Variants in NEDD4L observed in about 807,000 individuals in gnomAD.
The protein encoded by NEDD4L is NEDD4 like E3 ubiquitin protein ligase.
A neutral mutation model predicts 148.9 loss-of-function variants in NEDD4L; 54 were observed. The observed-to-expected ratio is 0.36, with a 90% CI of 0.29 to 0.45. The LOEUF is 0.45. Among genes scored for constraint, NEDD4L ranks in the 20% least tolerant of loss-of-function variants. NEDD4L has a pLI of 1.00. For missense variants in NEDD4L, 856 were observed against 1,233.8 expected (o/e 0.69, Z 4.59); for synonymous variants, 433 against 440.7 (o/e 0.98, Z 0.22).
intron 1 of NEDD4L, among the ~76,000 whole-genome samples, chr18:58,151,786 G>T (rs2034801511): frequency 6.6e-6 from 1 of 152,046 alleles, no homozygotes; most frequent in Non-Finnish European, 1.5e-5. Context: ...AGAGGATGGG[G>T]TCGGTGAGGT....
At chr18:58,149,369 T>C (rs2034432421) in intron 1 of NEDD4L, 8 of 1,433,138 alleles carry the variant, frequency 5.6e-6, no homozygotes, top group Middle Eastern at 3.7e-4. Context: ...TAGACTGCTT[T>C]CCTGGGAGTC....
At chr18:58,138,322 C>T (rs1251289171) in intron 1 of NEDD4L, among the ~76,000 whole-genome samples, 2 of 116,394 alleles carry the variant, frequency 1.7e-5, no homozygotes, top group African/African-American at 6.5e-5. Flanking sequence ...TTCCTTCTTT[C>T]CTTCTTCCCT....
At chr18:58,342,873 TA>T in intron 15 of NEDD4L, 32 bp from the exon 16 acceptor site, 1 of 1,521,656 alleles carries the variant, frequency 6.6e-7, no homozygotes, top group Non-Finnish European at 8.9e-7. Flanking sequence ...TCGCACATGC[TA>T]AAGAGTTCTA....
At chr18:58,142,700 A>G (rs2033681907) in intron 1 of NEDD4L, among the ~76,000 whole-genome samples, 1 of 152,214 alleles carries the variant, frequency 6.6e-6, no homozygotes, top group South Asian at 2.1e-4. Flanking sequence ...TCTATTTACC[A>G]TTTTAATGCC....
At position 58,237,048 on chromosome 18, in the gene NEDD4L, T is replaced by C. The variant is rs117963158; in HGVS notation, c.123-8379T>C. On this transcript the variant is annotated intron_variant, in intron 2 of 30. Coordinates refer to ENST00000400345, the MANE Select transcript of NEDD4L (RefSeq NM_001144967.3). ...CAAATAATAATAATAATAATAATAA[T>C]AACAACAATAATTGTCATTTATCAG... 4.2e-3 allele frequency among the ~76,000 whole-genome samples: 635 copies of C among 151,124 alleles called. 7 individuals carry two copies. The highest frequency in any genetic ancestry group is 7.0e-3 in the Non-Finnish European group (475 of 67,882).
chr18:58,362,941 G>A (rs1178042286), intron 19 of NEDD4L, among the ~76,000 whole-genome samples: 5 of 152,206 alleles, frequency 3.3e-5, no homozygotes, highest in Admixed American at 3.3e-4. Flanking sequence ...GAATTGCTAT[G>A]TGGTTTCATC....
chr18:58,316,947 CTTTACTTTA>C (rs1186548981), intron 6 of NEDD4L, among the ~76,000 whole-genome samples: 1 of 86,682 alleles, frequency 1.2e-5, no homozygotes, highest in East Asian at 2.7e-4. Flanking sequence ...AGTAAAGTGA[CTTTACTTTA>C]TTTACTTTAT....
intron 2 of NEDD4L, among the ~76,000 whole-genome samples, chr18:58,221,250 C>T (rs1484615420): frequency 1.3e-5 from 2 of 152,174 alleles, no homozygotes; most frequent in Non-Finnish European, 2.9e-5. Context: ...GCCAAAATCT[C>T]TGATCTGGCT....
chr18:58,270,081 T>C (rs1407871483), intron 5 of NEDD4L, among the ~76,000 whole-genome samples: 1 of 152,230 alleles, frequency 6.6e-6, no homozygotes, highest in Non-Finnish European at 1.5e-5. Flanking sequence ...TATCCTGTTA[T>C]GTCTTGTGTG....
chr18:58,095,620 C>T (rs76806792), intron 1 of NEDD4L, among the ~76,000 whole-genome samples: 14,553 of 152,174 alleles, frequency 0.096, 822 homozygotes, highest in Admixed American at 0.15. Flanking sequence ...CCCATTGGGG[C>T]CATGGGCATT....
chr18:58,216,083 T>C (rs983821695), intron 2 of NEDD4L, among the ~76,000 whole-genome samples: 2 of 152,182 alleles, frequency 1.3e-5, no homozygotes, highest in African/African-American at 4.8e-5. Flanking sequence ...TGGTATAGAT[T>C]ACCAATTTGC....
At chr18:58,156,998 T>C (rs1000083317) in intron 1 of NEDD4L, among the ~76,000 whole-genome samples, 8 of 149,446 alleles carry the variant, frequency 5.4e-5, no homozygotes, top group African/African-American at 1.7e-4. Context: ...TTGGGCAACA[T>C]GGGGAAATCT....
At position 58,214,361 on chromosome 18, in the gene NEDD4L, T is replaced by G. The variant is rs141821554; in HGVS notation, c.123-31066T>G. On this transcript the variant is annotated intron_variant, in intron 2 of 30. Transcript: ENST00000400345. ...GTGTCTTATTTTCCCAAGATTCTTA[T>G]GACTGTGATATTTAGTCTGAATCAG... Among the ~76,000 whole-genome samples, 593 of 152,330 alleles carry G rather than the reference T, an allele frequency of 3.9e-3. 5 individuals are homozygous for G. The highest frequency in any genetic ancestry group is 0.013 in the African/African-American group (560 of 41,562).
chr18:58,202,262 C>G (rs1044358626), intron 2 of NEDD4L, among the ~76,000 whole-genome samples: 2 of 152,212 alleles, frequency 1.3e-5, no homozygotes, highest in African/African-American at 4.8e-5. Context: ...AAGGGAGAGC[C>G]GGAAGCCCAG....
intron 16 of NEDD4L, among the ~76,000 whole-genome samples, chr18:58,347,282 A>G (rs186693173): frequency 7.7e-6 from 1 of 129,482 alleles, no homozygotes; most frequent in African/African-American, 3.0e-5. Context: ...GGTAGCCTAC[A>G]TGTGATTCCA....
Position 58,342,924 on chromosome 18 carries a change from G to A in NEDD4L, c.1396G>A (p.Val466Ile), listed in dbSNP as rs757173296. The A allele has an allele frequency of 1.9e-5, 30 of 1,610,302 alleles. No homozygotes were observed. The highest frequency in any genetic ancestry group is 1.8e-4 in the East Asian group (8 of 44,622). ...APLEGAKDSP[V>I]RRAVKDTLSN... is the part of the protein sequence containing the mutation. ...TCTTTAGGGTGCCAAGGACTCACCC[G>A]TACGTCGGGCTGTGAAAGACACCCT... Residue 466 changes from valine (V) to isoleucine (I), a missense_variant, in exon 16 of 31, where the codon GTA becomes ATA. Coordinates refer to ENST00000400345, the MANE Select transcript of NEDD4L (RefSeq NM_001144967.3).
chr18:58,300,961 A>G (rs2056384224), intron 5 of NEDD4L, among the ~76,000 whole-genome samples: 2 of 152,214 alleles, frequency 1.3e-5, no homozygotes, highest in African/African-American at 2.4e-5. Context: ...AGCAGGGTGT[A>G]TCTCATAAGC....
chr18:58,089,458 A>G (rs1431914478), intron 1 of NEDD4L, among the ~76,000 whole-genome samples: 3 of 152,140 alleles, frequency 2.0e-5, no homozygotes, highest in Admixed American at 6.6e-5. Flanking sequence ...CTATCTTTCC[A>G]TAGAAAGAAT....
At chr18:58,269,269 A>G (rs896107707) in intron 5 of NEDD4L, among the ~76,000 whole-genome samples, 1 of 152,000 alleles carries the variant, frequency 6.6e-6, no homozygotes, top group African/African-American at 2.4e-5. Context: ...GATATCAAAG[A>G]TTGGGTAAAT....
Sources: allele counts gnomAD v4.1 joint callset (sites outside exome capture counted in the v4.1 genomes callset), GRCh38; gene constraint gnomAD v4.1.1; transcripts MANE v1.5; gene names NCBI Gene and HGNC (gene_info 2026-07-23, HGNC 2026-07-21).